Variants in RARB observed in about 807,000 individuals in gnomAD.
The protein encoded by RARB is retinoic acid receptor beta, also known as HBV-activated protein.
In RARB, 17 loss-of-function variants were observed where a neutral mutation model predicts 51.9. The observed-to-expected ratio is 0.33, with a 90% CI of 0.22 to 0.49. RARB has a LOEUF of 0.49. Among genes scored for constraint, RARB ranks in the 20% least tolerant of loss-of-function variants. RARB has a pLI of 0.99. For synonymous variants in RARB, 215 were observed against 195.4 expected (o/e 1.10, Z -0.84); for missense variants, 369 against 550.8 (o/e 0.67, Z 3.30).
chr3:25,503,723 G>T (rs1348032257), intron 3 of RARB, among the ~76,000 whole-genome samples: 1 of 152,184 alleles, frequency 6.6e-6, no homozygotes, highest in Non-Finnish European at 1.5e-5. Context: ...AGTCTAATTG[G>T]ATATTTTTAA....
At chr3:25,554,661 A>G (rs80206941) in intron 3 of RARB, among the ~76,000 whole-genome samples, 6,330 of 152,328 alleles carry the variant, frequency 0.042, 165 homozygotes, top group Non-Finnish European at 0.062. Flanking sequence ...TGCCGGGCAC[A>G]GAGTTGCATA....
At chr3:25,048,125 T>C (rs925568062) in intron 2 of RARB, among the ~76,000 whole-genome samples, 1 of 152,220 alleles carries the variant, frequency 6.6e-6, no homozygotes, top group Non-Finnish European at 1.5e-5. Flanking sequence ...ATAAACCTCT[T>C]TTTTATGTAA....
intron 2 of RARB, among the ~76,000 whole-genome samples, chr3:24,970,447 G>C (rs1696372355): frequency 6.6e-6 from 1 of 151,884 alleles, no homozygotes; most frequent in Non-Finnish European, 1.5e-5. Context: ...AGTCTACTCT[G>C]TGTGTCTTTT....
intron 2 of RARB, among the ~76,000 whole-genome samples, chr3:24,966,705 G>T (rs950623771): frequency 6.6e-6 from 1 of 151,814 alleles, no homozygotes; most frequent in East Asian, 1.9e-4. Flanking sequence ...ACAGACCAGG[G>T]TGTTGTCTAA....
At chr3:25,362,121 G>A (rs1302710343) in intron 5 of RARB, among the ~76,000 whole-genome samples, 1 of 152,204 alleles carries the variant, frequency 6.6e-6, no homozygotes, top group Non-Finnish European at 1.5e-5. Flanking sequence ...GGGAGATAGA[G>A]AGATGGGAGT....
chr3:24,941,382 T>C (rs1695663497), intron 2 of RARB, among the ~76,000 whole-genome samples: 1 of 152,006 alleles, frequency 6.6e-6, no homozygotes, highest in Non-Finnish European at 1.5e-5. Context: ...GTCTTTTTTT[T>C]TTTTTGAGAC....
chr3:24,965,252 G>A (rs2125414015), intron 2 of RARB, among the ~76,000 whole-genome samples: 1 of 152,178 alleles, frequency 6.6e-6, no homozygotes, highest in Non-Finnish European at 1.5e-5. Flanking sequence ...TGGGTGCCTA[G>A]GAGAGTATAA....
intron 5 of RARB, among the ~76,000 whole-genome samples, chr3:25,361,785 G>A (rs773308840): frequency 6.6e-6 from 1 of 152,212 alleles, no homozygotes; most frequent in Non-Finnish European, 1.5e-5. Flanking sequence ...TCCAGACCCT[G>A]TTTGCGTGAG....
At chr3:25,538,137 G>T (rs1699220960) in intron 3 of RARB, among the ~76,000 whole-genome samples, 1 of 151,974 alleles carries the variant, frequency 6.6e-6, no homozygotes. Flanking sequence ...TGTTTTATCA[G>T]ACACTAAGTC....
rs200678575 is a variant in RARB, at chr3:25,531,400, A to G, written c.448+30077A>G. Among the ~76,000 whole-genome samples, 4 of 46,594 alleles carry G rather than the reference A, an allele frequency of 8.6e-5. No homozygotes were observed. In the South Asian group the frequency reaches 1.5e-3, roughly 17 times the overall value. 30.6% of individuals were successfully genotyped at this position (46,594 alleles called of 152,430 possible). On this transcript the variant is annotated intron_variant, in intron 3 of 7. Transcript: ENST00000330688. ...GATAGATAGATAGGTAGATAGATAG[A>G]TAGATAGATAGATAGATAGATAGAA...
At chr3:24,998,886 A>C (rs1232925129) in intron 2 of RARB, among the ~76,000 whole-genome samples, 1 of 152,138 alleles carries the variant, frequency 6.6e-6, no homozygotes, top group East Asian at 1.9e-4. Context: ...TACCTACTAC[A>C]TAATAAATAT....
intron 2 of RARB, among the ~76,000 whole-genome samples, chr3:25,026,549 A>C (rs1697753569): frequency 6.6e-6 from 1 of 152,208 alleles, no homozygotes; most frequent in Admixed American, 6.5e-5. Flanking sequence ...GACATCAGTC[A>C]GATTGGATTA....
At chr3:25,506,917 C>T (rs570208485) in intron 3 of RARB, among the ~76,000 whole-genome samples, 35 of 152,328 alleles carry the variant, frequency 2.3e-4, no homozygotes, top group South Asian at 4.1e-4. Context: ...ACTTATGAGC[C>T]GTATGTCTCC....
At chr3:25,038,098 G>A (rs1021736797) in intron 2 of RARB, among the ~76,000 whole-genome samples, 8 of 152,084 alleles carry the variant, frequency 5.3e-5, no homozygotes, top group African/African-American at 1.7e-4. Flanking sequence ...CCACTTTAAA[G>A]CATAGCCTAC....
rs140970899 is a variant in RARB at position 25,035,421 on chromosome 3, C to CT, written c.-379-24678dup. 5.0e-3 allele frequency among the ~76,000 whole-genome samples: 608 copies of CT among 121,612 alleles called. 40 individuals are homozygous for CT. The highest frequency in any genetic ancestry group is 0.019 in the African/African-American group (537 of 28,458). 79.8% of individuals were successfully genotyped at this position (121,612 alleles called of 152,430 possible). A position where few individuals can be genotyped will look rare whatever the true frequency, so the allele number is the denominator to read the frequency against. On this transcript the variant is annotated intron_variant, in intron 2 of 11. Transcript: ENST00000383772. ...ACAGTTGTGAGCCGCTGCGTCCAGC[C>CT]TTTTTTTTTTTTTTTTTTTTTTTTT...
rs575409269 is a variant in RARB at position 25,423,171 on chromosome 3, C to T, written c.179-38022C>T. Among the ~76,000 whole-genome samples the T allele has an allele frequency of 7.2e-5, 11 of 152,282 alleles. No individual in the cohort carries two copies. In the South Asian group the frequency reaches 1.5e-3, roughly 20 times the overall value. ...AACTGCTTTGGAGTACAATTTTGTG[C>T]GTCCATCAAATTTTAAGATGCTCAT... On this transcript the variant is annotated intron_variant, in intron 5 of 11. Transcript: ENST00000383772.
intron 3 of RARB, among the ~76,000 whole-genome samples, chr3:25,526,915 A>G (rs1411824928): frequency 6.6e-6 from 1 of 152,186 alleles, no homozygotes; most frequent in Non-Finnish European, 1.5e-5. Context: ...TGTTCTTGCC[A>G]GAAAACCTTA....
intron 5 of RARB, among the ~76,000 whole-genome samples, chr3:25,216,902 A>G (rs1436685234): frequency 6.6e-6 from 1 of 152,246 alleles, no homozygotes; most frequent in South Asian, 2.1e-4. Context: ...TGCTGATTTC[A>G]TTCCCACACT....
At chr3:25,189,743 G>A (rs1344653474) in intron 5 of RARB, among the ~76,000 whole-genome samples, 1 of 151,964 alleles carries the variant, frequency 6.6e-6, no homozygotes, top group Non-Finnish European at 1.5e-5. Context: ...AAAATTAGCC[G>A]GCATGGTGGT....
Sources: allele counts gnomAD v4.1 joint callset (sites outside exome capture counted in the v4.1 genomes callset), GRCh38; gene constraint gnomAD v4.1.1; transcripts MANE v1.5; gene names NCBI Gene and HGNC (gene_info 2026-07-23, HGNC 2026-07-21).